DPEP1: variants seen among roughly 807,000 people sequenced by gnomAD.
DPEP1 encodes the protein beta-lactamase.
A neutral mutation model predicts 42.3 loss-of-function variants in DPEP1; 50 were observed. The ratio of observed to expected loss-of-function variants is 1.18; its 90% CI spans 0.94 to 1.50. The LOEUF (loss-of-function observed/expected upper bound fraction) is 1.50. Ranked by LOEUF, DPEP1 falls within the 40% of genes most tolerant of loss-of-function variation. The probability of loss-of-function intolerance (pLI) is 0.00; values close to 1 mark genes in which losing one functional copy is unlikely to be tolerated. For missense variants in DPEP1, 663 were observed against 553.0 expected (o/e 1.20, Z -1.99); for synonymous variants, 297 against 234.0 (o/e 1.27, Z -2.46).
In DPEP1 at chr16:89,638,366, C is replaced by A; in HGVS notation, c.*144C>A. The A allele has an allele frequency of 1.4e-6, 2 of 1,423,654 alleles. No homozygotes were observed. The highest frequency in any genetic ancestry group is 1.8e-6 in the Non-Finnish European group (2 of 1,093,920). 88.2% of individuals were successfully genotyped at this position (1,423,654 alleles called of 1,614,324 possible). On this transcript the variant is annotated 3_prime_UTR_variant, in exon 11 of 11. Coordinates refer to ENST00000690203, the MANE Select transcript of DPEP1 (RefSeq NM_001389466.1). ...AGGACGCCTGGGCTTACCTGGGGGG[C>A]AGGATGCCTGGGGACAGTTCAGGAC...
At chr16:89,614,521 G>A (rs958826905) in intron 1 of DPEP1, among the ~76,000 whole-genome samples, 22 of 152,222 alleles carry the variant, frequency 1.4e-4, no homozygotes, top group African/African-American at 5.1e-4. Flanking sequence ...GTGGCCGGGC[G>A]CGGTGGCTCA....
chr16:89,636,055 G>T lies in DPEP1; in HGVS notation c.237+15G>T. The T allele has an allele frequency of 6.2e-7, 1 of 1,600,310 alleles. No individual in the cohort carries two copies. ...TGGGAGGCCAGGTACCGCCTGCCCT[G>T]CCTTGTGCTTGCCCTGTGTGGGGTC... On this transcript the variant is annotated intron_variant, in intron 3 of 10. Transcript: ENST00000690203.
chr16:89,634,091 C>CTTTTT (rs3039849), intron 2 of DPEP1, among the ~76,000 whole-genome samples: 1,552 of 123,628 alleles, frequency 0.013, 66 homozygotes, highest in African/African-American at 0.024. Flanking sequence ...TTCTCTTCTT[C>CTTTTT]TTTTTTTTTT....
intron 1 of DPEP1, among the ~76,000 whole-genome samples, chr16:89,614,263 G>A (rs1334087128): frequency 1.3e-5 from 2 of 152,276 alleles, no homozygotes; most frequent in Admixed American, 6.5e-5. Context: ...TGTCCACTGT[G>A]CCGGCTGTTC....
chr16:89,616,392 C>T (rs74429256), intron 1 of DPEP1, among the ~76,000 whole-genome samples: 2,840 of 152,112 alleles, frequency 0.019, 80 homozygotes, highest in African/African-American at 0.062. Flanking sequence ...ATCGGACAGA[C>T]GGGCGGAAAG....
At chr16:89,633,085 A>C (rs1701410697) in intron 2 of DPEP1, among the ~76,000 whole-genome samples, 1 of 152,154 alleles carries the variant, frequency 6.6e-6, no homozygotes, top group Non-Finnish European at 1.5e-5. Flanking sequence ...CCTCAGGCCA[A>C]GGAGTAAAGT....
intron 2 of DPEP1, among the ~76,000 whole-genome samples, chr16:89,634,376 C>T (rs1046124869): frequency 6.6e-6 from 1 of 152,106 alleles, no homozygotes; most frequent in Non-Finnish European, 1.5e-5. Context: ...CATGAGCCAC[C>T]CTGCCTGGCC....
At chr16:89,632,210 C>T (rs556835162) in intron 2 of DPEP1, among the ~76,000 whole-genome samples, 49 of 152,184 alleles carry the variant, frequency 3.2e-4, no homozygotes, top group African/African-American at 1.1e-3. Context: ...CCACCAAGCC[C>T]GGCTAATTTT....
rs563124716 is a variant in DPEP1 at position 89,625,627 on chromosome 16, C to T, written c.-106-4678C>T. On this transcript the variant is annotated intron_variant, in intron 1 of 10. Transcript: ENST00000690203. Reference sequence around the variant, plus strand: ...GGGGCAGGGAGGGAGGTTGCAGAGTCCAGAGCTTGGAAGATGGAAGATAAG... The same window carrying T: ...GGGGCAGGGAGGGAGGTTGCAGAGTTCAGAGCTTGGAAGATGGAAGATAAG... Among the ~76,000 whole-genome samples the T allele has an allele frequency of 3.3e-5, 5 of 152,210 alleles. No individual in the cohort carries two copies. In the East Asian group the frequency reaches 9.6e-4, roughly 29 times the overall value.
chr16:89,636,106 C>T (rs987090170), intron 3 of DPEP1, 66 bp downstream of exon 3: 7 of 1,556,414 alleles, frequency 4.5e-6, no homozygotes, highest in African/African-American at 1.4e-5. Context: ...TCAGGCCTGG[C>T]TACAGTGGGA....
chr16:89,628,271 T>TTTG (rs2059543092), intron 1 of DPEP1, among the ~76,000 whole-genome samples: 2 of 147,826 alleles, frequency 1.4e-5, no homozygotes, highest in Non-Finnish European at 1.5e-5. Flanking sequence ...TTTTTTTTTT[T>TTTG]TGTGAGATAG....
chr16:89,630,937 C>G (rs897385724), intron 2 of DPEP1, among the ~76,000 whole-genome samples: 3 of 151,914 alleles, frequency 2.0e-5, no homozygotes, highest in Admixed American at 1.3e-4. Flanking sequence ...TCTCTCAGGG[C>G]CCCCAAAGAC....
chr16:89,626,917 A>C (rs1007138321), intron 1 of DPEP1, among the ~76,000 whole-genome samples: 1 of 151,688 alleles, frequency 6.6e-6, no homozygotes, highest in Non-Finnish European at 1.5e-5. Flanking sequence ...CAGGAGTTTG[A>C]GACCACCCTG....
chr16:89,640,563 T>C (rs988494221), downstream of DPEP1: 18 of 984,846 alleles, frequency 1.8e-5, no homozygotes, highest in African/African-American at 3.5e-5. Flanking sequence ...GATGCACTTA[T>C]CAATAATCGT....
downstream of DPEP1, among the ~76,000 whole-genome samples, chr16:89,640,201 G>A (rs976366782): frequency 1.8e-4 from 28 of 152,304 alleles, no homozygotes; most frequent in Admixed American, 1.5e-3. Flanking sequence ...GACCCCCCAC[G>A]CTGCTGCTGC....
In DPEP1 at chr16:89,637,527, C is replaced by A. The variant is rs777649284; in HGVS notation, c.828C>A (p.Asn276Lys). 6 of 1,612,794 alleles carry A rather than the reference C, an allele frequency of 3.7e-6. No individual in the cohort carries two copies. In the South Asian group the frequency reaches 4.4e-5, roughly 12 times the overall value. ...ACAACAATTACATTTCCTGCACCAA[C>A]AAGGCCAACCTGTCCCAAGTGGCCG... ...NFYNNYISCT[N>K]KANLSQVADH... Residue 276 changes from asparagine to lysine, a missense_variant, in exon 8 of 11, where the codon AAC (asparagine) becomes AAA (lysine). Transcript: ENST00000690203.
intron 1 of DPEP1, among the ~76,000 whole-genome samples, chr16:89,629,481 G>A (rs1249005107): frequency 2.0e-5 from 3 of 151,316 alleles, no homozygotes; most frequent in African/African-American, 4.9e-5. Flanking sequence ...CAGCTGGGGC[G>A]ATCCTCCTTC....
intron 1 of DPEP1, among the ~76,000 whole-genome samples, chr16:89,616,308 G>C (rs2059378690): frequency 6.6e-6 from 1 of 152,134 alleles, no homozygotes; most frequent in Admixed American, 6.5e-5. Flanking sequence ...CAGCCAGCGG[G>C]TCCTGGGTCA....
At chr16:89,626,306 G>C (rs2059510933) in intron 1 of DPEP1, among the ~76,000 whole-genome samples, 1 of 152,160 alleles carries the variant, frequency 6.6e-6, no homozygotes, top group Non-Finnish European at 1.5e-5. Flanking sequence ...TCTCGTGGTA[G>C]CGAGAAAGTT....
Sources: allele counts gnomAD v4.1 joint callset (sites outside exome capture counted in the v4.1 genomes callset), GRCh38; gene constraint gnomAD v4.1.1; transcripts MANE v1.5; gene names NCBI Gene and HGNC (gene_info 2026-07-23, HGNC 2026-07-21).